The following MOB4 variants were observed in gnomAD, a reference collection of about 807,000 sequenced individuals.
MOB4 encodes MOB-like protein phocein.
A neutral mutation model predicts 32.2 loss-of-function variants in MOB4; 4 were observed. That is an observed-to-expected ratio of 0.12 (90% CI 0.06 to 0.28). MOB4 has a LOEUF of 0.28. Among genes scored for constraint, MOB4 ranks in the 10% least tolerant of loss-of-function variants. The pLI is 1.00. For missense variants in MOB4, 158 were observed against 271.2 expected (o/e 0.58, Z 2.93); for synonymous variants, 88 against 88.1 (o/e 1.00, Z 0.01).
chr2:197,543,315 C>T (rs1021354413), intron 5 of MOB4, among the ~76,000 whole-genome samples: 4 of 151,836 alleles, frequency 2.6e-5, no homozygotes, highest in African/African-American at 9.7e-5. Context: ...CAGAAATGGC[C>T]AGTAAGCACA....
At chr2:197,535,899 C>CTT (rs1319135434) in intron 3 of MOB4, among the ~76,000 whole-genome samples, 17 of 129,270 alleles carry the variant, frequency 1.3e-4, no homozygotes, top group African/African-American at 2.3e-4. Context: ...CTTTTCTTTT[C>CTT]TTTTTTTTTT....
chr2:197,537,769 GCTTT>G (rs1268271652), intron 3 of MOB4, among the ~76,000 whole-genome samples: 1 of 152,002 alleles, frequency 6.6e-6, no homozygotes, highest in Non-Finnish European at 1.5e-5. Flanking sequence ...GAAAATAACT[GCTTT>G]CTTATGTTTT....
intron 2 of MOB4, among the ~76,000 whole-genome samples, chr2:197,529,252 G>A (rs2086660245): frequency 6.6e-6 from 1 of 152,166 alleles, no homozygotes; most frequent in African/African-American, 2.4e-5. Context: ...ACAGACATGA[G>A]CCACCGCGGC....
chr2:197,539,171 C>T (rs1422445466), intron 3 of MOB4, among the ~76,000 whole-genome samples: 1 of 152,072 alleles, frequency 6.6e-6, no homozygotes, highest in Non-Finnish European at 1.5e-5. Context: ...TAACCTGATA[C>T]ATTGAACTAA....
At chr2:197,516,435 G>C in intron 1 of MOB4, 1 of 1,300,084 alleles carries the variant, frequency 7.7e-7, no homozygotes. Flanking sequence ...CAGCAGCAAC[G>C]GCTTCTTCTC....
At chr2:197,516,840 G>A in intron 1 of MOB4, 1 of 417,570 alleles carries the variant, frequency 2.4e-6, no homozygotes, top group Non-Finnish European at 5.0e-6. Context: ...GGCATTATGT[G>A]TGGTAAATTG....
chr2:197,541,691 G>A (rs576144894), intron 5 of MOB4, among the ~76,000 whole-genome samples: 22 of 152,022 alleles, frequency 1.4e-4, no homozygotes, highest in Admixed American at 2.0e-4. Context: ...AGGCCGAGGC[G>A]GGCGGATCAC....
At chr2:197,531,552 T>C (rs2086704979) in intron 2 of MOB4, among the ~76,000 whole-genome samples, 1 of 152,064 alleles carries the variant, frequency 6.6e-6, no homozygotes, top group Non-Finnish European at 1.5e-5. Context: ...TTGGAAACTT[T>C]TCAGCATTAT....
At chr2:197,536,927 A>G (rs1178714036) in intron 3 of MOB4, among the ~76,000 whole-genome samples, 1 of 151,350 alleles carries the variant, frequency 6.6e-6, no homozygotes, top group Non-Finnish European at 1.5e-5. Flanking sequence ...TTCTGTAGAG[A>G]TGGGGTCTCA....
Position 197,518,562 on chromosome 2 carries a change from G to GT in MOB4, c.60+2428dup, listed in dbSNP as rs1008128065. ...CAGGCGTGAGCCATTGCACCTGGAG[G>GT]TTTTTTTTTTTTGTGTGTGAGGCAG... On this transcript the variant is annotated intron_variant, in intron 1 of 7. Coordinates refer to ENST00000323303, the MANE Select transcript of MOB4 (RefSeq NM_015387.5). Among the ~76,000 whole-genome samples the GT allele has an allele frequency of 3.8e-3, 540 of 142,692 alleles. 2 individuals carry two copies. Among genetic ancestry groups the GT allele is most frequent in the Middle Eastern group, 0.015 (4 of 270 alleles). 93.6% of individuals were successfully genotyped at this position (142,692 alleles called of 152,430 possible).
chr2:197,528,503 A>G (rs2086644821), intron 2 of MOB4, among the ~76,000 whole-genome samples: 1 of 152,108 alleles, frequency 6.6e-6, no homozygotes. Context: ...CTTGTCAAAC[A>G]TATTTTAAAG....
intron 5 of MOB4, among the ~76,000 whole-genome samples, chr2:197,545,444 A>G (rs1010281097): frequency 6.6e-6 from 1 of 152,170 alleles, no homozygotes; most frequent in Non-Finnish European, 1.5e-5. Flanking sequence ...TGTAGTTTTG[A>G]TCTGCAGTTG....
At chr2:197,522,490 C>G (rs1208678427) in intron 1 of MOB4, among the ~76,000 whole-genome samples, 2 of 151,496 alleles carry the variant, frequency 1.3e-5, no homozygotes, top group Non-Finnish European at 2.9e-5. Flanking sequence ...GCCACCATGC[C>G]CGGCTATTTT....
intron 3 of MOB4, among the ~76,000 whole-genome samples, chr2:197,539,568 T>G (rs1478950605): frequency 1.3e-5 from 2 of 152,146 alleles, no homozygotes; most frequent in African/African-American, 2.4e-5. Flanking sequence ...TTCACCTGCC[T>G]CGGCCTCCCA....
intron 1 of MOB4, among the ~76,000 whole-genome samples, chr2:197,519,939 C>T (rs2086484734): frequency 1.3e-5 from 2 of 152,042 alleles, no homozygotes; most frequent in Non-Finnish European, 2.9e-5. Flanking sequence ...TGTTTTATTT[C>T]TTGATATTTT....
intron 5 of MOB4, among the ~76,000 whole-genome samples, 178 bp from the exon 6 acceptor site, chr2:197,548,158 G>A (rs2087031090): frequency 6.6e-6 from 1 of 151,722 alleles, no homozygotes; most frequent in South Asian, 2.1e-4. Flanking sequence ...TGGTTCAAGG[G>A]GATAATAAAC....
At chr2:197,534,305 CAA>C (rs1173587353) in intron 2 of MOB4, among the ~76,000 whole-genome samples, 1 of 152,068 alleles carries the variant, frequency 6.6e-6, no homozygotes, top group East Asian at 1.9e-4. Flanking sequence ...TTCAGAATAT[CAA>C]AAAGATTGCA....
At chr2:197,542,592 T>C (rs2086915337) in intron 5 of MOB4, among the ~76,000 whole-genome samples, 1 of 152,144 alleles carries the variant, frequency 6.6e-6, no homozygotes, top group Non-Finnish European at 1.5e-5. Flanking sequence ...GCATATAGAG[T>C]AAATTATACA....
At chr2:197,543,607 A>T (rs1021676927) in intron 5 of MOB4, among the ~76,000 whole-genome samples, 1 of 152,256 alleles carries the variant, frequency 6.6e-6, no homozygotes, top group Non-Finnish European at 1.5e-5. Context: ...AACAAGTCAG[A>T]TGCAAAAGGA....
Sources: allele counts gnomAD v4.1 joint callset (sites outside exome capture counted in the v4.1 genomes callset), GRCh38; gene constraint gnomAD v4.1.1; transcripts MANE v1.5; gene names NCBI Gene and HGNC (gene_info 2026-07-23, HGNC 2026-07-21).